The following GLDN variants were observed in gnomAD, a reference collection of about 807,000 sequenced individuals.
The protein encoded by GLDN is gliomedin, also known as collomin.
Under a neutral mutation model 56.5 loss-of-function variants are expected in GLDN, and 47 were observed. The observed-to-expected ratio is 0.83, with a 90% CI of 0.66 to 1.06. The LOEUF is 1.06. Among genes scored for constraint, GLDN ranks in the 50% least tolerant of loss-of-function variants. The pLI, the probability that GLDN is intolerant of heterozygous loss-of-function variation, is 0.00. For missense variants in GLDN, 782 were observed against 714.3 expected (o/e 1.09, Z -1.08); for synonymous variants, 332 against 278.8 (o/e 1.19, Z -1.90).
Position 51,341,942 on chromosome 15 carries a change from G to A in GLDN, c.258G>A (p.Pro86=), listed in dbSNP as rs1187224064. The change falls in exon 1 of 10, where the codon CCG becomes CCA. Residue 86 remains proline, a synonymous_variant. Coordinates refer to ENST00000335449, the MANE Select transcript of GLDN (RefSeq NM_181789.4). ...PRGASAPPQD[P]ASSARNKRSH... ...GGGCGTCCGCACCACCCCAAGACCCGGCCAGCTCAGCTCGCAACAAGCGCA... is the reference window on the plus strand; with the variant it reads ...GGGCGTCCGCACCACCCCAAGACCCAGCCAGCTCAGCTCGCAACAAGCGCA... 1.9e-6 allele frequency: 3 copies of A among 1,597,128 alleles called. No homozygotes were observed. In the South Asian group the frequency reaches 3.3e-5, roughly 18 times the overall value.
chr15:51,381,917 T>G (rs2037771268), intron 2 of GLDN, among the ~76,000 whole-genome samples: 1 of 152,052 alleles, frequency 6.6e-6, no homozygotes, highest in Admixed American at 6.5e-5. Flanking sequence ...ATCATCCCCC[T>G]GCCTAAGAAC....
intron 2 of GLDN, 108 bp downstream of exon 2, chr15:51,377,608 G>A: frequency 4.1e-6 from 3 of 733,588 alleles, no homozygotes; most frequent in Non-Finnish European, 2.2e-6. Context: ...ATACATGTTG[G>A]TTTACTTTTA....
At chr15:51,365,238 A>G (rs1012176448) in intron 1 of GLDN, among the ~76,000 whole-genome samples, 2 of 151,932 alleles carry the variant, frequency 1.3e-5, no homozygotes, top group East Asian at 3.9e-4. Flanking sequence ...AAATATGTTC[A>G]TTTGTTATTT....
At chr15:51,361,852 C>T (rs980266121) in intron 1 of GLDN, among the ~76,000 whole-genome samples, 4 of 152,020 alleles carry the variant, frequency 2.6e-5, no homozygotes, top group African/African-American at 9.7e-5. Context: ...TTTGCTTGAA[C>T]CCCAGGAGGC....
At chr15:51,395,049 C>T (rs2038098336) in intron 5 of GLDN, 68 bp downstream of exon 5, 3 of 1,434,622 alleles carry the variant, frequency 2.1e-6, no homozygotes, top group Non-Finnish European at 2.8e-6. Context: ...GCTTCCAACA[C>T]CAGGGCTGCT....
Position 51,397,461 on chromosome 15 carries a change from T to C in GLDN, c.689-9T>C. The C allele has an allele frequency of 7.0e-7, 1 of 1,432,460 alleles. No homozygotes were observed. Among genetic ancestry groups the C allele is most frequent in the Non-Finnish European group, 9.3e-7 (1 of 1,080,444 alleles). The allele number at this position is 1,432,460 out of a possible 1,614,324, so 88.7% of individuals were successfully genotyped here. A position where few individuals can be genotyped will look rare whatever the true frequency, so the allele number is the denominator to read the frequency against. On this transcript the variant is annotated splice_polypyrimidine_tract_variant and intron_variant, in intron 5 of 9. Transcript: ENST00000335449. Reference sequence around the variant, plus strand: ...CTCCTTCTCTCCCTTTCTCTCTCTCTCTCTCCAGGTGCCAAAGGTGACCAA... The same window carrying C: ...CTCCTTCTCTCCCTTTCTCTCTCTCCCTCTCCAGGTGCCAAAGGTGACCAA...
chr15:51,363,349 T>G (rs958785965), intron 1 of GLDN, among the ~76,000 whole-genome samples: 1 of 152,218 alleles, frequency 6.6e-6, no homozygotes, highest in African/African-American at 2.4e-5. Flanking sequence ...ATTGTGAGCC[T>G]TTTGTGCCCA....
chr15:51,401,681 T>C lies in GLDN; in HGVS notation c.1116T>C (p.Cys372=). ...FIHLPYYFHG[C]GHVVYNNSLY... Reference sequence around the variant, plus strand: ...ACCTTCCATACTATTTCCATGGCTGTGGGCACGTTGTTTACAACAACTCTC... The same window carrying C: ...ACCTTCCATACTATTTCCATGGCTGCGGGCACGTTGTTTACAACAACTCTC... Residue 372 remains cysteine, a synonymous_variant, in exon 9 of 10, where the codon TGT becomes TGC. Coordinates refer to ENST00000335449, the MANE Select transcript of GLDN (RefSeq NM_181789.4). 2 of 1,614,196 alleles carry C rather than the reference T, an allele frequency of 1.2e-6. No homozygotes were observed. Among genetic ancestry groups the C allele is most frequent in the South Asian group, 1.1e-5 (1 of 91,086 alleles).
chr15:51,356,913 A>T (rs1169721680), intron 1 of GLDN, among the ~76,000 whole-genome samples: 2 of 152,244 alleles, frequency 1.3e-5, no homozygotes, highest in African/African-American at 4.8e-5. Context: ...TTGGAGATAA[A>T]TCAAAAGAAC....
In GLDN at chr15:51,384,097, A is replaced by G. The variant is rs1018326203; in HGVS notation, c.541+205A>G. The G allele has an allele frequency of 1.6e-5, 10 of 610,688 alleles. No individual in the cohort carries two copies. In the African/African-American group the frequency reaches 1.9e-4, roughly 11 times the overall value. The allele number at this position is 610,688 out of a possible 1,614,324, so 37.8% of individuals were successfully genotyped here. ...CCACCTTGACAGATGTTTATTTCAA[A>G]CTGGAGAAGCCGTCTCCTGGGAACT... On this transcript the variant is annotated intron_variant, in intron 4 of 9. Coordinates refer to ENST00000335449, the MANE Select transcript of GLDN (RefSeq NM_181789.4).
intron 1 of GLDN, among the ~76,000 whole-genome samples, chr15:51,367,139 C>A (rs146669410): frequency 2.0e-5 from 3 of 152,172 alleles, no homozygotes; most frequent in South Asian, 2.1e-4. Context: ...AGGCCATCTG[C>A]GGCCTCTGCT....
intron 4 of GLDN, among the ~76,000 whole-genome samples, chr15:51,387,998 T>C (rs1021440068): frequency 6.6e-6 from 1 of 152,130 alleles, no homozygotes; most frequent in African/African-American, 2.4e-5. Flanking sequence ...CCCAGGACCT[T>C]TGCACGAGTA....
rs1408495705 is a variant in GLDN, at chr15:51,400,357, T to C, written c.902-16T>C. 3 of 1,614,068 alleles carry C rather than the reference T, an allele frequency of 1.9e-6. No individual in the cohort carries two copies. The highest frequency in any genetic ancestry group is 1.3e-5 in the African/African-American group (1 of 74,922). On this transcript the variant is annotated splice_polypyrimidine_tract_variant and intron_variant, in intron 7 of 9. Coordinates refer to ENST00000335449, the MANE Select transcript of GLDN (RefSeq NM_181789.4). ...AATTGGCAGGCAAGTGACTTTCTTT[T>C]CTCTTCTTTTGGCAGAATCCATGAT...
At chr15:51,355,758 T>A (rs569161177) in intron 1 of GLDN, among the ~76,000 whole-genome samples, 1 of 149,656 alleles carries the variant, frequency 6.7e-6, no homozygotes, top group African/African-American at 2.4e-5. Flanking sequence ...CTCCTGACTT[T>A]GTGATCTGCC....
chr15:51,373,724 G>T (rs1350082873), intron 1 of GLDN, among the ~76,000 whole-genome samples: 1 of 152,192 alleles, frequency 6.6e-6, no homozygotes, highest in Non-Finnish European at 1.5e-5. Flanking sequence ...GAGGGGGAGA[G>T]CACTGGGAGA....
intron 1 of GLDN, among the ~76,000 whole-genome samples, chr15:51,345,074 C>T (rs531335375): frequency 3.3e-5 from 5 of 152,268 alleles, no homozygotes; most frequent in Admixed American, 2.6e-4. Flanking sequence ...AAATTTGACC[C>T]ATCTGCTACT....
intron 2 of GLDN, among the ~76,000 whole-genome samples, chr15:51,382,456 T>C (rs1255628671): frequency 6.6e-6 from 1 of 152,062 alleles, no homozygotes; most frequent in African/African-American, 2.4e-5. Context: ...ACCATTCCAA[T>C]ATTGGTAATC....
rs753079395 is a variant in GLDN, at chr15:51,400,475, T to C, written c.1004T>C (p.Ile335Thr). The C allele has an allele frequency of 6.8e-6, 11 of 1,614,026 alleles. No homozygotes were observed. The South Asian group carries it at 1.2e-4, about 18-fold the overall frequency. Residue 335 changes from isoleucine (I) to threonine (T), a missense_variant, in exon 8 of 10, where the codon ATT becomes ACT. Ile to Thr is a moderately conservative substitution (Grantham distance 89). Coordinates refer to ENST00000335449, the MANE Select transcript of GLDN (RefSeq NM_181789.4). ...TCTGCTAACAAGAGTGATGACCGGA[T>C]TTGGGTGACAGAGCATTTTTCAGGT... ...RESANKSDDR[I>T]WVTEHFSGIM...
intron 1 of GLDN, among the ~76,000 whole-genome samples, chr15:51,355,651 G>A (rs1489613130): frequency 1.3e-5 from 2 of 150,624 alleles, no homozygotes; most frequent in African/African-American, 2.4e-5. Flanking sequence ...AGCCTCCTGA[G>A]TAGCTGGGAC....
Sources: allele counts gnomAD v4.1 joint callset (sites outside exome capture counted in the v4.1 genomes callset), GRCh38; gene constraint gnomAD v4.1.1; transcripts MANE v1.5; gene names NCBI Gene and HGNC (gene_info 2026-07-23, HGNC 2026-07-21).